Variants in DOCK4 observed in about 807,000 individuals in gnomAD.
DOCK4 encodes dedicator of cytokinesis protein 4.
A neutral mutation model predicts 268.1 loss-of-function variants in DOCK4; 97 were observed. The ratio of observed to expected loss-of-function variants is 0.36; its 90% CI spans 0.31 to 0.43. DOCK4 has a LOEUF of 0.43. Ranked by LOEUF, DOCK4 falls within the 20% of genes least tolerant of loss-of-function variation. The probability of loss-of-function intolerance (pLI) is 1.00; values close to 1 mark genes in which losing one functional copy is unlikely to be tolerated. For synonymous variants in DOCK4, 954 were observed against 887.2 expected (o/e 1.08, Z -1.34); for missense variants, 2,145 against 2,455.7 (o/e 0.87, Z 2.67).
At chr7:111,874,633 C>G (rs944717107) in intron 17 of DOCK4, among the ~76,000 whole-genome samples, 1 of 152,190 alleles carries the variant, frequency 6.6e-6, no homozygotes, top group Non-Finnish European at 1.5e-5. Context: ...GAGCTATAAC[C>G]TATCACAGAA....
chr7:111,868,273 C>G, intron 21 of DOCK4, 119 bp from the exon 22 acceptor site: 1 of 714,322 alleles, frequency 1.4e-6, no homozygotes, highest in South Asian at 3.1e-5. Flanking sequence ...ATGTAGACAC[C>G]AAGGCCTTGT....
At chr7:112,112,967 T>G (rs1204157675) in intron 1 of DOCK4, among the ~76,000 whole-genome samples, 1 of 152,218 alleles carries the variant, frequency 6.6e-6, no homozygotes, top group African/African-American at 2.4e-5. Context: ...AACAGCTGAC[T>G]GTGTACTCAG....
chr7:111,765,200 TC>T lies in DOCK4; in HGVS notation c.3937del (p.Asp1313ThrfsTer27). 1.3e-6 allele frequency: 2 copies of T among 1,554,500 alleles called. No homozygotes were observed. The highest frequency in any genetic ancestry group is 1.7e-6 in the Non-Finnish European group (2 of 1,152,026). The stretch of plus-strand genomic sequence containing the variant: ...AAGACGTTGCTGGTCCATAATTTTG[TC>T]ATACAAAGAGGCTTCCATCATCTAG... ...KMRMMEASLYDKIMDQQRLEP... is the reference protein window; with the variant it reads ...KMRMMEASLYXKIMDQQRLEP... On this transcript the variant is annotated frameshift_variant, in exon 39 of 53. Transcript: ENST00000428084. LOFTEE classifies it high-confidence loss of function.
intron 25 of DOCK4, among the ~76,000 whole-genome samples, chr7:111,844,363 G>T (rs1176753399): frequency 6.6e-6 from 1 of 152,154 alleles, no homozygotes; most frequent in Non-Finnish European, 1.5e-5. Context: ...ATTCTGACTA[G>T]TCAGAGTGAA....
At chr7:111,975,136 G>A (rs1319610412) in intron 8 of DOCK4, among the ~76,000 whole-genome samples, 7 of 152,078 alleles carry the variant, frequency 4.6e-5, no homozygotes, top group East Asian at 3.9e-4. Context: ...GCGTGGTGGC[G>A]GGTGTCTGTA....
At chr7:112,160,911 G>A (rs959743883) in intron 1 of DOCK4, among the ~76,000 whole-genome samples, 1 of 152,152 alleles carries the variant, frequency 6.6e-6, no homozygotes, top group East Asian at 1.9e-4. Context: ...GCTCTATTAA[G>A]CAGGACTCGA....
chr7:111,755,082 G>C (rs757254705), intron 42 of DOCK4, among the ~76,000 whole-genome samples: 1 of 152,086 alleles, frequency 6.6e-6, no homozygotes, highest in Non-Finnish European at 1.5e-5. Flanking sequence ...CTTTGGCAAA[G>C]GCTTTTGACC....
chr7:111,784,326 C>A, intron 32 of DOCK4: 1 of 709,050 alleles, frequency 1.4e-6, no homozygotes, highest in East Asian at 2.7e-5. Context: ...AACAGGAGTG[C>A]CTCCAAGTTT....
chr7:112,198,762 T>C (rs1352091271), intron 1 of DOCK4, among the ~76,000 whole-genome samples: 1 of 152,254 alleles, frequency 6.6e-6, no homozygotes, highest in Non-Finnish European at 1.5e-5. Flanking sequence ...CTCTTCTCTA[T>C]AGGCTACACA....
chr7:111,802,778 G>C (rs1800398026), intron 30 of DOCK4, among the ~76,000 whole-genome samples: 1 of 151,910 alleles, frequency 6.6e-6, no homozygotes. Flanking sequence ...CAAAATCACA[G>C]AAAATAGTTA....
Position 111,989,150 on chromosome 7 carries a change from T to C in DOCK4, c.329A>G (p.Asp110Gly), listed in dbSNP as rs1402069022. The C allele has an allele frequency of 1.2e-6, 2 of 1,613,870 alleles. No individual in the cohort carries two copies. Among genetic ancestry groups the C allele is most frequent in the Non-Finnish European group, 1.7e-6 (2 of 1,179,888 alleles). ...WKQLYVRNEG[D>G]LFHRLWHIMN... ...GATGTGCCACAGCCGGTGGAAGAGA[T>C]CGCCTTCATTACGCTAAGAAATATA... The change falls in exon 6 of 53, where the codon GAT (aspartate) becomes GGT (glycine). Residue 110 changes from aspartate to glycine, a missense_variant. Coordinates refer to ENST00000428084, the MANE Select transcript of DOCK4 (RefSeq NM_001363540.2).
At chr7:111,760,537 T>C (rs17158796) in intron 39 of DOCK4, among the ~76,000 whole-genome samples, 50,915 of 151,972 alleles carry the variant, frequency 0.34, 9,091 homozygotes, top group African/African-American at 0.43. Flanking sequence ...TAAGGCCCAA[T>C]AGAATGCCTC....
intron 30 of DOCK4, among the ~76,000 whole-genome samples, chr7:111,803,448 C>T (rs1238252897): frequency 2.0e-5 from 3 of 152,310 alleles, no homozygotes; most frequent in African/African-American, 4.8e-5. Flanking sequence ...GTATTTAGGG[C>T]ACCTGCTACT....
chr7:111,979,044 G>C (rs1733526598), intron 7 of DOCK4, among the ~76,000 whole-genome samples: 1 of 152,194 alleles, frequency 6.6e-6, no homozygotes, highest in Non-Finnish European at 1.5e-5. Flanking sequence ...GCCATAGCCT[G>C]TGTTGAGGGA....
At chr7:111,858,737 G>A (rs1261629048) in intron 23 of DOCK4, among the ~76,000 whole-genome samples, 4 of 151,974 alleles carry the variant, frequency 2.6e-5, no homozygotes, top group South Asian at 2.1e-4. Context: ...CTATAATCAC[G>A]TAAACCATTT....
chr7:111,913,567 G>A (rs1792320443), intron 13 of DOCK4, among the ~76,000 whole-genome samples: 3 of 151,644 alleles, frequency 2.0e-5, no homozygotes, highest in South Asian at 2.1e-4. Flanking sequence ...CCGCCACCAC[G>A]CCCGGCTAAT....
At chr7:112,032,364 C>T (rs1803355140) in intron 1 of DOCK4, among the ~76,000 whole-genome samples, 1 of 152,170 alleles carries the variant, frequency 6.6e-6, no homozygotes. Flanking sequence ...ATCCGAAGTG[C>T]ATGGCTATCA....
At chr7:112,093,286 A>T (rs2135771008) in intron 1 of DOCK4, among the ~76,000 whole-genome samples, 1 of 152,234 alleles carries the variant, frequency 6.6e-6, no homozygotes, top group Non-Finnish European at 1.5e-5. Flanking sequence ...CATTCCCCAT[A>T]AATCTCTGTT....
chr7:112,130,701 G>A (rs894742236), intron 1 of DOCK4, among the ~76,000 whole-genome samples: 5 of 152,178 alleles, frequency 3.3e-5, no homozygotes, highest in South Asian at 2.1e-4. Context: ...CAAAATAAAC[G>A]TAGGTCATGT....
Sources: allele counts gnomAD v4.1 joint callset (sites outside exome capture counted in the v4.1 genomes callset), GRCh38; gene constraint gnomAD v4.1.1; transcripts MANE v1.5; gene names NCBI Gene and HGNC (gene_info 2026-07-23, HGNC 2026-07-21).